Variants in CRYZL1 observed in about 807,000 individuals in gnomAD.
CRYZL1 encodes the protein ferry endosomal RAB5 effector complex subunit 4.
CRYZL1 carries 34 observed loss-of-function variants against 50.6 expected under a neutral mutation model. The ratio of observed to expected loss-of-function variants is 0.67; its 90% CI spans 0.51 to 0.89. The LOEUF is 0.89. CRYZL1 is among the 40% of genes least tolerant of loss of function. CRYZL1 has a pLI of 0.00. For synonymous variants in CRYZL1, 125 were observed against 134.3 expected, an observed-to-expected ratio of 0.93 and a Z score of 0.48; for missense variants, 354 against 402.3, an observed-to-expected ratio of 0.88 and a Z score of 1.03.
At position 33,613,550 on chromosome 21, in the gene CRYZL1, C is replaced by T; in HGVS notation, c.319G>A (p.Glu107Lys). 1 of 1,610,048 alleles carries T rather than the reference C, an allele frequency of 6.2e-7. No homozygotes were observed. The highest frequency in any genetic ancestry group is 8.5e-7 in the Non-Finnish European group (1 of 1,176,342). ...AATTGCTACATACCCAAGTAATGCT[C>T]ATGTACTCTAACAACTTCACAAAGT... ...PGLCEVVRVH[E>K]HYLVHKPEKV... The change falls in exon 6 of 13, where the codon GAG becomes AAG. Residue 107 changes from glutamate (E) to lysine (K), a missense_variant. Coordinates refer to ENST00000381554, the MANE Select transcript of CRYZL1 (RefSeq NM_145858.3).
chr21:33,618,549 C>T (rs763215568), intron 4 of CRYZL1, among the ~76,000 whole-genome samples: 7 of 152,136 alleles, frequency 4.6e-5, no homozygotes, highest in Non-Finnish European at 5.9e-5. Flanking sequence ...TGACATGAAG[C>T]GGTGAAGTAA....
intron 1 of CRYZL1, chr21:33,641,108 C>T (rs2145974501): frequency 6.5e-7 from 1 of 1,543,860 alleles, no homozygotes; most frequent in Non-Finnish European, 8.7e-7. Context: ...ACGTGGACAG[C>T]AGCACCTGGG....
intron 8 of CRYZL1, among the ~76,000 whole-genome samples, chr21:33,600,861 T>C (rs1327169372): frequency 6.7e-6 from 1 of 150,046 alleles, no homozygotes; most frequent in African/African-American, 2.5e-5. Context: ...TCTCTGGACC[T>C]CATGATCTGC....
At chr21:33,603,348 A>G in intron 7 of CRYZL1, 56 bp downstream of exon 7, 1 of 1,588,266 alleles carries the variant, frequency 6.3e-7, no homozygotes, top group African/African-American at 1.3e-5. Context: ...TCATTGCTAA[A>G]TTTCCTAAGT....
At chr21:33,618,671 T>C (rs971501465) in intron 4 of CRYZL1, among the ~76,000 whole-genome samples, 10 of 152,164 alleles carry the variant, frequency 6.6e-5, no homozygotes, top group African/African-American at 2.2e-4. Context: ...ATTTCTACTT[T>C]CAAGTCTTTC....
chr21:33,616,718 C>A lies in CRYZL1; in HGVS notation c.250G>T (p.Asp84Tyr). Residue 84 changes from aspartate (D) to tyrosine (Y), a missense_variant, in exon 5 of 13, where the codon GAT becomes TAT. Asp to Tyr is a radical substitution (Grantham distance 160). Transcript: ENST00000381554. ...GSKVSFFQPD[D>Y]EVVGILPLDS... ...AACTATAACTTACCAACTACTTCAT[C>A]ATCTGGTTGAAAGAATGATACCTTG... 6.2e-7 allele frequency: 1 copy of A among 1,609,110 alleles called. No homozygotes were observed. Among genetic ancestry groups the A allele is most frequent in the Non-Finnish European group, 8.5e-7 (1 of 1,177,410 alleles).
chr21:33,640,493 T>C (rs942229193), intron 1 of CRYZL1, among the ~76,000 whole-genome samples: 1 of 152,090 alleles, frequency 6.6e-6, no homozygotes, highest in African/African-American at 2.4e-5. Context: ...ATATCTTAGA[T>C]AATAATAGCA....
chr21:33,590,026 T>A (rs2086627089), intron 12 of CRYZL1, 105 bp from the exon 13 acceptor site: 3 of 647,236 alleles, frequency 4.6e-6, no homozygotes, highest in Non-Finnish European at 7.8e-6. Context: ...AGTGTATTAA[T>A]TAATTTTTTG....
At chr21:33,638,092 T>C (rs568994574) in intron 1 of CRYZL1, among the ~76,000 whole-genome samples, 3 of 152,156 alleles carry the variant, frequency 2.0e-5, no homozygotes, top group Non-Finnish European at 4.4e-5. Flanking sequence ...AAAAGAAATA[T>C]GCCCAAATAT....
At chr21:33,590,894 G>A (rs1027387409) in intron 12 of CRYZL1, among the ~76,000 whole-genome samples, 6 of 152,312 alleles carry the variant, frequency 3.9e-5, no homozygotes, top group South Asian at 2.1e-4. Context: ...CTATCTCTGC[G>A]AGTACCTACT....
chr21:33,616,371 C>A, intron 5 of CRYZL1: 1 of 200,586 alleles, frequency 5.0e-6, no homozygotes, highest in Non-Finnish European at 1.1e-5. Context: ...CGGCTCACCA[C>A]AACCTCTGCC....
chr21:33,595,739 T>G lies in CRYZL1; in HGVS notation c.896A>C (p.Lys299Thr), dbSNP rs779418526. ...GTCGATAAAAAGGATATAAAGATATTTTCCCTGTTGTACATTTGACAAATT... is the reference window on the plus strand; with the variant it reads ...GTCGATAAAAAGGATATAAAGATATGTTCCCTGTTGTACATTTGACAAATT... Reference protein sequence around the residue: ...VWNLSNVQQGKYLCILKDVME... With the variant: ...VWNLSNVQQGTYLCILKDVME... The change falls in exon 11 of 13, where the codon AAA becomes ACA. Residue 299 changes from lysine (K) to threonine (T), a missense_variant. Coordinates refer to ENST00000381554, the MANE Select transcript of CRYZL1 (RefSeq NM_145858.3). The G allele has an allele frequency of 1.9e-6, 3 of 1,613,564 alleles. No homozygotes were observed. Among genetic ancestry groups the G allele is most frequent in the Non-Finnish European group, 1.7e-6 (2 of 1,179,480 alleles).
intron 4 of CRYZL1, among the ~76,000 whole-genome samples, chr21:33,619,747 C>T (rs894830719): frequency 6.6e-6 from 1 of 152,110 alleles, no homozygotes; most frequent in Admixed American, 6.6e-5. Context: ...ACCCTTGACG[C>T]CTGCCCAGGA....
rs1414365956 is a variant in CRYZL1 at position 33,603,442 on chromosome 21, A to G, written c.427T>C (p.Ser143Pro). 8.1e-6 allele frequency: 13 copies of G among 1,614,170 alleles called. No homozygotes were observed. The highest frequency in any genetic ancestry group is 1.1e-5 in the Non-Finnish European group (13 of 1,180,026). ...YTALHYLSHL[S>P]PGKSVLIMDG... Reference sequence around the variant, plus strand: ...ATTATCAGCACTGATTTTCCAGGAGAGAGATGAGAAAGATAATGCAGAGCT... The same window carrying G: ...ATTATCAGCACTGATTTTCCAGGAGGGAGATGAGAAAGATAATGCAGAGCT... Residue 143 changes from serine (S) to proline (P), a missense_variant, in exon 7 of 13, where the codon TCT (serine) becomes CCT (proline). By Grantham distance (74) the Ser-to-Pro change is moderately conservative (BLOSUM62 -1). Coordinates refer to ENST00000381554, the MANE Select transcript of CRYZL1 (RefSeq NM_145858.3).
At chr21:33,597,152 G>A (rs2086703133) in intron 10 of CRYZL1, 128 bp downstream of exon 10, 1 of 898,442 alleles carries the variant, frequency 1.1e-6, no homozygotes. Flanking sequence ...TCATAGGTGT[G>A]AGCCACCATG....
chr21:33,631,578 A>G, intron 1 of CRYZL1, 21 bp from the exon 2 acceptor site: 14 of 1,383,820 alleles, frequency 1.0e-5, no homozygotes, highest in Non-Finnish European at 1.3e-5. Context: ...ATATATATAA[A>G]TGAAATAAAA....
chr21:33,628,603 C>CTT (rs35970580), intron 2 of CRYZL1, among the ~76,000 whole-genome samples: 1 of 120,392 alleles, frequency 8.3e-6, no homozygotes, highest in Non-Finnish European at 1.7e-5. Context: ...TAATTTCTTT[C>CTT]TTTTTTTTTT....
chr21:33,597,518 G>A lies in CRYZL1; in HGVS notation c.677-117C>T, dbSNP rs897418516. On this transcript the variant is annotated intron_variant, in intron 9 of 12. Coordinates refer to ENST00000381554, the MANE Select transcript of CRYZL1 (RefSeq NM_145858.3). ...TTATTTAGAGACAAGGTCTTACTAT[G>A]TTGCCCAGGCTGGCCTGGACTCCAG... is the stretch of plus-strand genomic sequence containing the variant. The A allele has an allele frequency of 3.6e-6, 3 of 832,878 alleles. No individual in the cohort carries two copies. In the East Asian group the frequency reaches 8.1e-5, roughly 23 times the overall value. 51.6% of individuals were successfully genotyped at this position (832,878 alleles called of 1,614,324 possible). A position where few individuals can be genotyped will look rare whatever the true frequency, so the allele number is the denominator to read the frequency against.
At position 33,589,888 on chromosome 21, in the gene CRYZL1, C is replaced by T. The variant is rs145158429; in HGVS notation, c.984G>A (p.Glu328=). ...PQLDEPIPLY[E]AKVSMEAVQK... is the part of the protein sequence containing the mutation. ...GAACAGCTTCCATGGAAACTTTTGC[C>T]TCATACAGTGGAATGGGTTCATCCA... Residue 328 remains glutamate (E), a synonymous_variant, in exon 13 of 13, where the codon GAG becomes GAA. Transcript: ENST00000381554. 52 of 1,611,258 alleles carry T rather than the reference C, an allele frequency of 3.2e-5. No individual in the cohort carries two copies. The East Asian group carries it at 8.3e-4, about 26-fold the overall frequency.
Sources: allele counts gnomAD v4.1 joint callset (sites outside exome capture counted in the v4.1 genomes callset), GRCh38; gene constraint gnomAD v4.1.1; transcripts MANE v1.5; gene names NCBI Gene and HGNC (gene_info 2026-07-23, HGNC 2026-07-21).